FLRT1: variants seen among roughly 807,000 people sequenced by gnomAD.
The protein encoded by FLRT1 is fibronectin leucine rich transmembrane protein 1.
A neutral mutation model predicts 30.9 loss-of-function variants in FLRT1; 14 were observed. That is an observed-to-expected ratio of 0.45 (90% CI 0.30 to 0.71). FLRT1 has a LOEUF of 0.71. Among genes scored for constraint, FLRT1 ranks in the 30% least tolerant of loss-of-function variants. The probability of loss-of-function intolerance (pLI) is 0.08; values close to 1 mark genes in which losing one functional copy is unlikely to be tolerated. For synonymous variants in FLRT1, 368 were observed against 430.4 expected, an observed-to-expected ratio of 0.85 and a Z score of 1.80; for missense variants, 737 against 949.2, an observed-to-expected ratio of 0.78 and a Z score of 2.94.
chr11:64,036,400 G>C lies in FLRT1; in HGVS notation c.-1038+241G>C, dbSNP rs915891603. On this transcript the variant is annotated intron_variant, in intron 1 of 2. Transcript: ENST00000682287. This position sits in a 1 kb window ranked among gnomAD's most constrained non-coding sequence, Gnocchi z 5.6. ...CTGGCCCCGCCGCGGGGAGGCGCGG[G>C]GTGCGCGGCCGGCGGCTCAGCTCTC... Among the ~76,000 whole-genome samples, 1 of 152,134 alleles carries C rather than the reference G, an allele frequency of 6.6e-6. No homozygotes were observed. Among genetic ancestry groups the C allele is most frequent in the Non-Finnish European group, 1.5e-5 (1 of 67,998 alleles).
intron 1 of FLRT1, among the ~76,000 whole-genome samples, chr11:64,052,442 G>C (rs1943712306): frequency 6.6e-6 from 1 of 152,198 alleles, no homozygotes; most frequent in South Asian, 2.1e-4. Context: ...TCTCTCCCCA[G>C]TTGCTGGGAC....
chr11:64,047,965 C>T (rs1238143919), intron 1 of FLRT1, among the ~76,000 whole-genome samples: 1 of 151,962 alleles, frequency 6.6e-6, no homozygotes, highest in Non-Finnish European at 1.5e-5. Context: ...CTTCCTGGGA[C>T]CCTGATGGTG....
Position 64,082,067 on chromosome 11 carries a change from TG to T in FLRT1, c.-1037-21123del, listed in dbSNP as rs1001515645. Reference sequence around the variant, plus strand: ...GTGTGTGAGCTGCAGCGTCCTGGGCTGGGGCAGAGGGGCCGTGGCGAGAACA... The same window carrying T: ...GTGTGTGAGCTGCAGCGTCCTGGGCTGGGCAGAGGGGCCGTGGCGAGAACA... On this transcript the variant is annotated intron_variant, in intron 1 of 2. Coordinates refer to ENST00000682287, the MANE Select transcript of FLRT1 (RefSeq NM_013280.5). This position sits in a 1 kb window ranked among gnomAD's most constrained non-coding sequence, Gnocchi z 4.5. The T allele has an allele frequency of 1.3e-5, 2 of 152,312 alleles. No individual in the cohort carries two copies. Among genetic ancestry groups the T allele is most frequent in the African/African-American group, 4.8e-5 (2 of 41,524 alleles). The allele number at this position is 152,312 out of a possible 1,614,324, so 9.4% of individuals were successfully genotyped here. A position where few individuals can be genotyped will look rare whatever the true frequency, so the allele number is the denominator to read the frequency against.
chr11:64,060,843 C>A (rs1328945518), intron 1 of FLRT1, among the ~76,000 whole-genome samples: 1 of 152,194 alleles, frequency 6.6e-6, no homozygotes, highest in Admixed American at 6.5e-5. Flanking sequence ...CCGGAGCCGG[C>A]GGGTGTGAAC....
rs759754470 is a variant in FLRT1 at position 64,117,045 on chromosome 11, C to T, written c.778C>T (p.Leu260=). 1 of 1,606,712 alleles carries T rather than the reference C, an allele frequency of 6.2e-7. No homozygotes were observed. The highest frequency in any genetic ancestry group is 2.3e-5 in the East Asian group (1 of 44,326). Residue 260 remains leucine (L), a synonymous_variant, in exon 3 of 3, where the codon CTG becomes TTG. Transcript: ENST00000682287. ...AGAGCTCTCGCTGGTGCGCAATTCG[C>T]TGGCCGCGCCACCCCTCAACCTGCC... ...LTELSLVRNS[L]AAPPLNLPSA... is the part of the protein sequence containing the mutation.
intron 1 of FLRT1, among the ~76,000 whole-genome samples, chr11:64,040,443 T>C (rs1032713013): frequency 2.0e-5 from 3 of 152,030 alleles, no homozygotes; most frequent in Admixed American, 2.0e-4. Context: ...CTGGGGCTGG[T>C]GGGCTGTCTC....
Position 64,118,300 on chromosome 11 carries a change from C to A in FLRT1, c.*8C>A. ...GACTACTCCTACACATGATGCCCGC[C>A]CACCCGGGCTGCCCCGCCTCAGCCC... On this transcript the variant is annotated 3_prime_UTR_variant, in exon 3 of 3. Transcript: ENST00000682287. 6.5e-7 allele frequency: 1 copy of A among 1,543,288 alleles called. No homozygotes were observed. The highest frequency in any genetic ancestry group is 8.8e-7 in the Non-Finnish European group (1 of 1,138,764).
chr11:64,108,991 T>A (rs1944813101), intron 2 of FLRT1, among the ~76,000 whole-genome samples: 2 of 152,200 alleles, frequency 1.3e-5, no homozygotes, highest in East Asian at 3.9e-4. Context: ...GGGGGAGACG[T>A]GACCAGCATC....
At chr11:64,047,263 C>T (rs1244937278) in intron 1 of FLRT1, among the ~76,000 whole-genome samples, 5 of 152,160 alleles carry the variant, frequency 3.3e-5, no homozygotes, top group Non-Finnish European at 5.9e-5. Context: ...CCCAGCAAGC[C>T]TTCCTGGCCC....
At chr11:64,087,513 C>T (rs1193666079) in intron 1 of FLRT1, among the ~76,000 whole-genome samples, 1 of 152,250 alleles carries the variant, frequency 6.6e-6, no homozygotes, top group East Asian at 1.9e-4. Context: ...CCACCCCTTG[C>T]TGGAGCTCTG....
In FLRT1 at chr11:64,075,953, C is replaced by T. The variant is rs186943068; in HGVS notation, c.-1037-27241C>T. On this transcript the variant is annotated intron_variant, in intron 1 of 2. Coordinates refer to ENST00000682287, the MANE Select transcript of FLRT1 (RefSeq NM_013280.5). ...CTTCCCAAAGTGTTGGGATTGCAGGCGTGGGCCACTGTGCCCGGCCTGGCC... is the reference window on the plus strand; with the variant it reads ...CTTCCCAAAGTGTTGGGATTGCAGGTGTGGGCCACTGTGCCCGGCCTGGCC... Among the ~76,000 whole-genome samples the T allele has an allele frequency of 4.7e-3, 712 of 152,334 alleles. 3 individuals are homozygous for T. Among genetic ancestry groups the T allele is most frequent in the Non-Finnish European group, 7.3e-3 (496 of 68,030 alleles).
chr11:64,062,419 C>A (rs1362392780), intron 1 of FLRT1, among the ~76,000 whole-genome samples: 1 of 152,318 alleles, frequency 6.6e-6, no homozygotes, highest in Middle Eastern at 3.4e-3. Context: ...TCTGCCCACA[C>A]CCTGGAACCA....
intron 1 of FLRT1, among the ~76,000 whole-genome samples, chr11:64,059,344 C>T (rs193019726): frequency 6.6e-5 from 10 of 152,276 alleles, no homozygotes; most frequent in South Asian, 4.1e-4. Context: ...ACATGGGAGG[C>T]GTTGCGGGCT....
intron 1 of FLRT1, among the ~76,000 whole-genome samples, chr11:64,049,333 G>A (rs1220193620): frequency 4.6e-5 from 7 of 152,226 alleles, no homozygotes; most frequent in African/African-American, 1.2e-4. Flanking sequence ...GGGTCCTACC[G>A]ATGCCCAAAG....
At chr11:64,091,753 C>T (rs1201047526) in intron 1 of FLRT1, among the ~76,000 whole-genome samples, 1 of 152,172 alleles carries the variant, frequency 6.6e-6, no homozygotes, top group African/African-American at 2.4e-5. Context: ...TGTCCTGTCC[C>T]CTCCAGCAAG....
chr11:64,115,584 T>C (rs1187834574), intron 2 of FLRT1, among the ~76,000 whole-genome samples: 2 of 152,226 alleles, frequency 1.3e-5, no homozygotes, highest in Non-Finnish European at 2.9e-5. Flanking sequence ...CATGTTGTTT[T>C]AACACCAGAC....
At chr11:64,094,754 G>A (rs1330713627) in intron 1 of FLRT1, among the ~76,000 whole-genome samples, 1 of 152,234 alleles carries the variant, frequency 6.6e-6, no homozygotes, top group Admixed American at 6.5e-5. Flanking sequence ...CTATCTACCA[G>A]GATTTAGAAA....
At chr11:64,070,628 ATAAC>A (rs1944091035) in intron 1 of FLRT1, among the ~76,000 whole-genome samples, 1 of 152,214 alleles carries the variant, frequency 6.6e-6, no homozygotes, top group African/African-American at 2.4e-5. Flanking sequence ...AGAAAGCACC[ATAAC>A]TAACACTCGG....
chr11:64,053,034 A>C lies in FLRT1; in HGVS notation c.-1038+16875A>C, dbSNP rs201105334. Reference sequence around the variant, plus strand: ...GCTTACACCCCGGGCTCTCAACTGCAGCCAAACAGTGCGCTGCAGCCTCCG... The same window carrying C: ...GCTTACACCCCGGGCTCTCAACTGCCGCCAAACAGTGCGCTGCAGCCTCCG... On this transcript the variant is annotated intron_variant, in intron 1 of 2. Transcript: ENST00000682287. 3.5e-3 allele frequency among the ~76,000 whole-genome samples: 534 copies of C among 152,312 alleles called. 6 individuals carry two copies. Among genetic ancestry groups the C allele is most frequent in the African/African-American group, 0.013 (520 of 41,564 alleles).
Sources: allele counts gnomAD v4.1 joint callset (sites outside exome capture counted in the v4.1 genomes callset), GRCh38; gene constraint gnomAD v4.1.1; non-coding constraint Gnocchi (gnomAD v3.1); transcripts MANE v1.5; gene names NCBI Gene and HGNC (gene_info 2026-07-23, HGNC 2026-07-21).